Variants in SLC26A11 observed in about 807,000 individuals in gnomAD.
SLC26A11 encodes sodium-independent sulfate anion transporter.
In SLC26A11, 58 loss-of-function variants were observed where a neutral mutation model predicts 62.2. The observed-to-expected ratio is 0.93, with a 90% CI of 0.76 to 1.16. The LOEUF is 1.16. Ranked by LOEUF, SLC26A11 falls within the 50% of genes most tolerant of loss-of-function variation. The pLI, the probability that SLC26A11 is intolerant of heterozygous loss-of-function variation, is 0.00. For missense variants in SLC26A11, 790 were observed against 794.3 expected (o/e 0.99, Z 0.06); for synonymous variants, 411 against 368.9 (o/e 1.11, Z -1.31).
chr17:80,241,307 T>A (rs1362008583), intron 9 of SLC26A11, among the ~76,000 whole-genome samples: 8 of 152,212 alleles, frequency 5.3e-5, no homozygotes, highest in Non-Finnish European at 1.2e-4. Context: ...TCGCCCAGAC[T>A]GGAGTGCGGT....
intron 11 of SLC26A11, 63 bp downstream of exon 11, chr17:80,245,319 C>A: frequency 6.4e-7 from 1 of 1,556,500 alleles, no homozygotes. Flanking sequence ...GTTACGCTGA[C>A]AAGGAGTCTG....
chr17:80,228,004 G>T lies in SLC26A11; in HGVS notation c.736+44G>T, dbSNP rs752375232. ...ACATCTTATGCAACCTTGGCTGCAG[G>T]TTGGGGTCACTTGGGGAGTCCTAGT... On this transcript the variant is annotated intron_variant, in intron 7 of 17. Coordinates refer to ENST00000361193, the MANE Select transcript of SLC26A11 (RefSeq NM_001166347.2). This position sits in a 1 kb window ranked among gnomAD's most constrained non-coding sequence, Gnocchi z 4.1. 1.7e-5 allele frequency: 27 copies of T among 1,570,998 alleles called. No homozygotes were observed. Among genetic ancestry groups the T allele is most frequent in the Non-Finnish European group, 2.2e-5 (26 of 1,161,070 alleles).
intron 5 of SLC26A11, among the ~76,000 whole-genome samples, chr17:80,224,312 A>AGC (rs1567943954): frequency 7.4e-6 from 1 of 134,962 alleles, no homozygotes; most frequent in African/African-American, 3.2e-5. Flanking sequence ...TGTGTGTGAG[A>AGC]GAGTGTGAGT....
Position 80,221,544 on chromosome 17 carries a change from C to G in SLC26A11, c.-13-4C>G. The G allele has an allele frequency of 6.4e-7, 1 of 1,557,158 alleles. No individual in the cohort carries two copies. Among genetic ancestry groups the G allele is most frequent in the South Asian group, 1.2e-5 (1 of 85,972 alleles). ...TGCTGGTCTGTGTCACCTGCACCCC[C>G]CAGCCCCACCGTAGAGATGCCTTCT... On this transcript the variant is annotated splice_polypyrimidine_tract_variant and splice_region_variant and intron_variant, in intron 2 of 17. Coordinates refer to ENST00000361193, the MANE Select transcript of SLC26A11 (RefSeq NM_001166347.2).
At position 80,239,391 on chromosome 17, in the gene SLC26A11, C is replaced by CTT. The variant is rs576920538; in HGVS notation, c.985+1811_985+1812dup. Among the ~76,000 whole-genome samples the CTT allele has an allele frequency of 8.1e-3, 1,071 of 131,596 alleles. 22 individuals are homozygous for CTT. The highest frequency in any genetic ancestry group is 0.028 in the African/African-American group (1,003 of 35,606). 86.3% of individuals were successfully genotyped at this position (131,596 alleles called of 152,430 possible). ...ACCATGCTCAGCCCTCCAGTAATTT[C>CTT]TTTTTTTTTTTTTTTCGAGACGGAG... is the stretch of plus-strand genomic sequence containing the variant. On this transcript the variant is annotated intron_variant, in intron 9 of 17. Coordinates refer to ENST00000361193, the MANE Select transcript of SLC26A11 (RefSeq NM_001166347.2).
chr17:80,227,413 C>T (rs375877354), intron 6 of SLC26A11, among the ~76,000 whole-genome samples: 5 of 152,156 alleles, frequency 3.3e-5, no homozygotes, highest in African/African-American at 7.2e-5. Context: ...CAGAGAGCTA[C>T]GGGAGTGAAA....
chr17:80,223,198 C>T lies in SLC26A11; in HGVS notation c.428-54C>T. On this transcript the variant is annotated intron_variant, in intron 4 of 17. Transcript: ENST00000361193. The surrounding 1 kb of genome is among the most constrained non-coding windows in gnomAD (Gnocchi z 4.6). Reference sequence around the variant, plus strand: ...TCCCCAGCTCACATCTCCCCTCATCCTCTGGGACTGGGTGGAGCCGGGACC... The same window carrying T: ...TCCCCAGCTCACATCTCCCCTCATCTTCTGGGACTGGGTGGAGCCGGGACC... 6.5e-7 allele frequency: 1 copy of T among 1,534,450 alleles called. No homozygotes were observed.
Position 80,222,432 on chromosome 17 carries a change from C to A in SLC26A11, c.235-223C>A, listed in dbSNP as rs1443314746. 1.7e-6 allele frequency: 1 copy of A among 578,272 alleles called. No homozygotes were observed. The highest frequency in any genetic ancestry group is 1.9e-5 in the African/African-American group (1 of 53,540). The allele number at this position is 578,272 out of a possible 1,614,324, so 35.8% of individuals were successfully genotyped here. ...TTGGACACAGCACACGGGCCTGCAC[C>A]GACCCCTCTGCCTGGCTGTCTGCAC... On this transcript the variant is annotated intron_variant, in intron 3 of 17. Coordinates refer to ENST00000361193, the MANE Select transcript of SLC26A11 (RefSeq NM_001166347.2). This position sits in a 1 kb window ranked among gnomAD's most constrained non-coding sequence, Gnocchi z 4.7.
At chr17:80,237,496 C>T in intron 8 of SLC26A11, 26 bp from the exon 9 acceptor site, 3 of 1,595,196 alleles carry the variant, frequency 1.9e-6, no homozygotes, top group Non-Finnish European at 2.6e-6. Flanking sequence ...AGGAAGGTCA[C>T]TCACCATCCC....
chr17:80,220,439 A>G lies in SLC26A11; in HGVS notation c.-271A>G. 3.3e-6 allele frequency: 3 copies of G among 909,678 alleles called. No homozygotes were observed. The highest frequency in any genetic ancestry group is 4.5e-6 in the Non-Finnish European group (3 of 662,834). 56.4% of individuals were successfully genotyped at this position (909,678 alleles called of 1,614,324 possible). On this transcript the variant is annotated 5_prime_UTR_variant, in exon 1 of 18. Coordinates refer to ENST00000361193, the MANE Select transcript of SLC26A11 (RefSeq NM_001166347.2). ...ACCCCGCCCCGGCCTGTCCCCGGCGATTCCTGCGGACCCAGCTGCGGCGAC... is the reference window on the plus strand; with the variant it reads ...ACCCCGCCCCGGCCTGTCCCCGGCGGTTCCTGCGGACCCAGCTGCGGCGAC...
intron 17 of SLC26A11, among the ~76,000 whole-genome samples, chr17:80,251,894 C>T (rs915722165): frequency 1.4e-4 from 21 of 152,112 alleles, no homozygotes; most frequent in Admixed American, 1.2e-3. Context: ...TGCGGTTTTA[C>T]GTAAATGGGA....
At chr17:80,227,679 G>A (rs1017100108) in intron 6 of SLC26A11, 139 bp from the exon 7 acceptor site, 34 of 1,153,990 alleles carry the variant, frequency 2.9e-5, no homozygotes, top group Admixed American at 6.6e-5. Context: ...TACTCACTGT[G>A]GTCTGGGACC....
intron 7 of SLC26A11, among the ~76,000 whole-genome samples, chr17:80,232,977 G>A (rs1246042600): frequency 6.6e-6 from 1 of 152,164 alleles, no homozygotes; most frequent in Non-Finnish European, 1.5e-5. Flanking sequence ...GCCAGGCGCA[G>A]TGGCTCACAC....
intron 7 of SLC26A11, among the ~76,000 whole-genome samples, chr17:80,234,615 A>C (rs1214997636): frequency 2.0e-5 from 3 of 152,072 alleles, no homozygotes; most frequent in African/African-American, 7.2e-5. Context: ...ATGCGATTCC[A>C]CAGACTTTCT....
intron 9 of SLC26A11, among the ~76,000 whole-genome samples, chr17:80,239,490 C>G (rs951333968): frequency 6.6e-6 from 1 of 150,708 alleles, no homozygotes; most frequent in Admixed American, 6.6e-5. Flanking sequence ...CCTGGGTTCA[C>G]GCCATTCTCC....
At chr17:80,239,874 A>T (rs1309892788) in intron 9 of SLC26A11, among the ~76,000 whole-genome samples, 3 of 152,256 alleles carry the variant, frequency 2.0e-5, no homozygotes, top group Non-Finnish European at 2.9e-5. Flanking sequence ...GACATGTGAA[A>T]AGTATATGAA....
Position 80,251,407 on chromosome 17 carries a change from C to G in SLC26A11, c.1729+6C>G. 6.2e-7 allele frequency: 1 copy of G among 1,613,880 alleles called. No homozygotes were observed. The highest frequency in any genetic ancestry group is 8.5e-7 in the Non-Finnish European group (1 of 1,179,870). On this transcript the variant is annotated splice_donor_region_variant and intron_variant, in intron 17 of 17. Coordinates refer to ENST00000361193, the MANE Select transcript of SLC26A11 (RefSeq NM_001166347.2). ...CTCTACCCTGGAAGAAGCAGGTGGG[C>G]ACAGTCAGACATCCTGTGGCTTTGG...
rs1287775670 is a variant in SLC26A11 at position 80,222,922 on chromosome 17, CGTGTGCGTGT to C, written c.427+86_427+95del. On this transcript the variant is annotated intron_variant, in intron 4 of 17. Coordinates refer to ENST00000361193, the MANE Select transcript of SLC26A11 (RefSeq NM_001166347.2). This position sits in a 1 kb window ranked among gnomAD's most constrained non-coding sequence, Gnocchi z 4.7. Reference sequence around the variant, plus strand: ...CTTGTTTGCATTTCAAGTCTATCCCCGTGTGCGTGTGTGTGCGTGTTGGGGTGTGGGTATG... The same window carrying C: ...CTTGTTTGCATTTCAAGTCTATCCCCGTGTGCGTGTTGGGGTGTGGGTATG... 7 of 1,343,284 alleles carry C rather than the reference CGTGTGCGTGT, an allele frequency of 5.2e-6. No homozygotes were observed. Among genetic ancestry groups the C allele is most frequent in the Non-Finnish European group, 6.0e-6 (6 of 1,006,982 alleles). 83.2% of individuals were successfully genotyped at this position (1,343,284 alleles called of 1,614,324 possible).
At chr17:80,236,695 C>T (rs751546887) in intron 7 of SLC26A11, 27 of 473,750 alleles carry the variant, frequency 5.7e-5, no homozygotes, top group Non-Finnish European at 9.4e-5. Flanking sequence ...TGGAGCTTGG[C>T]AGCAGGTGGC....
Sources: gnomAD v4.1 joint callset for allele counts (sites outside exome capture counted in the v4.1 genomes callset) on GRCh38, gnomAD v4.1.1 for gene constraint, Gnocchi (gnomAD v3.1) non-coding constraint, MANE v1.5 for transcripts, NCBI Gene and HGNC (gene_info 2026-07-23, HGNC 2026-07-21) for gene names.